The following CEP70 variants were observed in gnomAD, a reference collection of about 807,000 sequenced individuals.
CEP70 encodes centrosomal protein 70, also known as centrosomal protein of 70 kDa.
In CEP70, 70 loss-of-function variants were observed where a neutral mutation model predicts 90.9. The observed-to-expected ratio is 0.77, with a 90% CI of 0.64 to 0.94. The LOEUF is 0.94. Ranked by LOEUF, CEP70 falls within the 40% of genes least tolerant of loss-of-function variation. CEP70 has a pLI of 0.00. For missense variants in CEP70, 648 were observed against 669.0 expected, an observed-to-expected ratio of 0.97 and a Z score of 0.35; for synonymous variants, 220 against 228.3, an observed-to-expected ratio of 0.96 and a Z score of 0.33.
chr3:138,546,783 A>C (rs920298300), intron 6 of CEP70, among the ~76,000 whole-genome samples: 1 of 151,972 alleles, frequency 6.6e-6, no homozygotes, highest in African/African-American at 2.4e-5. Flanking sequence ...AACAAAAAAC[A>C]CTATCACCCT....
intron 2 of CEP70, among the ~76,000 whole-genome samples, chr3:138,587,460 C>T (rs1576960266): frequency 6.6e-6 from 1 of 151,944 alleles, no homozygotes; most frequent in Admixed American, 6.6e-5. Flanking sequence ...TACAGAGCTG[C>T]AAAAGATCTA....
chr3:138,548,023 TA>T (rs2039344756), intron 6 of CEP70, among the ~76,000 whole-genome samples: 1 of 152,356 alleles, frequency 6.6e-6, no homozygotes, highest in East Asian at 1.9e-4. Flanking sequence ...TAATTCATTG[TA>T]TCAGGCCAAC....
At chr3:138,590,282 G>A (rs973054217) in intron 2 of CEP70, among the ~76,000 whole-genome samples, 2 of 152,002 alleles carry the variant, frequency 1.3e-5, no homozygotes, top group Non-Finnish European at 2.9e-5. Context: ...ATGGAAAAAA[G>A]GAGTTACAGT....
intron 8 of CEP70, among the ~76,000 whole-genome samples, chr3:138,532,131 T>A (rs1316268513): frequency 3.9e-5 from 6 of 152,206 alleles, no homozygotes; most frequent in African/African-American, 1.2e-4. Context: ...TTATCTCACA[T>A]AAATCTGCAT....
intron 13 of CEP70, among the ~76,000 whole-genome samples, chr3:138,502,774 G>A (rs1477470513): frequency 6.6e-6 from 1 of 152,076 alleles, no homozygotes; most frequent in Non-Finnish European, 1.5e-5. Context: ...AATATAAGAG[G>A]GTCTCCTAGG....
rs556625048 is a variant in CEP70 at position 138,578,645 on chromosome 3, A to G, written c.-5-5713T>C. 7.9e-5 allele frequency among the ~76,000 whole-genome samples: 12 copies of G among 152,360 alleles called. No homozygotes were observed. The East Asian group carries it at 2.1e-3, about 27-fold the overall frequency. On this transcript the variant is annotated intron_variant, in intron 2 of 17. Transcript: ENST00000264982. Reference sequence around the variant, plus strand: ...ATAGAAGCAGGAAGTCTCAGAAAACAAACTGCCATATTTTCAAACACTACA... The same window carrying G: ...ATAGAAGCAGGAAGTCTCAGAAAACGAACTGCCATATTTTCAAACACTACA...
At chr3:138,522,834 A>T (rs946711210) in intron 11 of CEP70, among the ~76,000 whole-genome samples, 8 of 152,344 alleles carry the variant, frequency 5.3e-5, no homozygotes, top group African/African-American at 1.7e-4. Context: ...AAACTATTCC[A>T]ATCAATAGAA....
At chr3:138,584,603 T>C (rs2042022836) in intron 2 of CEP70, among the ~76,000 whole-genome samples, 1 of 151,976 alleles carries the variant, frequency 6.6e-6, no homozygotes, top group Admixed American at 6.5e-5. Context: ...CATCAACAAG[T>C]GGGATTTATC....
intron 6 of CEP70, among the ~76,000 whole-genome samples, chr3:138,548,817 C>G (rs894885712): frequency 2.0e-5 from 3 of 152,200 alleles, no homozygotes; most frequent in African/African-American, 7.2e-5. Context: ...AGAAAATCCA[C>G]AGACCCTCTG....
intron 6 of CEP70, among the ~76,000 whole-genome samples, chr3:138,551,422 T>C (rs974963155): frequency 4.6e-5 from 7 of 152,116 alleles, no homozygotes; most frequent in African/African-American, 1.7e-4. Flanking sequence ...AAAGCATAAA[T>C]GTCACAGGAC....
chr3:138,517,797 A>G (rs1460260371), intron 11 of CEP70, among the ~76,000 whole-genome samples: 1 of 152,246 alleles, frequency 6.6e-6, no homozygotes, highest in Non-Finnish European at 1.5e-5. Context: ...CAACTGAGGT[A>G]CGAGGTTCAT....
Position 138,497,682 on chromosome 3 carries a change from GAAA to G in CEP70, c.1732+346_1732+348del, listed in dbSNP as rs199502529. ...ATTTTGTAGATAGGTGGTATCTTAA[GAAA>G]AAAAAAGGAGGGAGGAAGGACCTTC... On this transcript the variant is annotated intron_variant, in intron 17 of 17. Coordinates refer to ENST00000264982, the MANE Select transcript of CEP70 (RefSeq NM_024491.4). The G allele has an allele frequency of 4.1e-6, 4 of 970,638 alleles. No individual in the cohort carries two copies. The East Asian group carries it at 4.6e-4, about 111-fold the overall frequency. The allele number at this position is 970,638 out of a possible 1,614,324, so 60.1% of individuals were successfully genotyped here. A position where few individuals can be genotyped will look rare whatever the true frequency, so the allele number is the denominator to read the frequency against.
chr3:138,593,590 A>G lies in CEP70; in HGVS notation c.-109+608T>C, dbSNP rs186316619. ...GGAAACTCTGATTGGTCTCTCTGTT[A>G]CAGGTGACTTAGCCTTCTGGCATTT... On this transcript the variant is annotated intron_variant, in intron 1 of 17. Coordinates refer to ENST00000264982, the MANE Select transcript of CEP70 (RefSeq NM_024491.4). 3.5e-4 allele frequency: 53 copies of G among 152,362 alleles called. 1 individual carries two copies. Among genetic ancestry groups the G allele is most frequent in the African/African-American group, 1.3e-3 (52 of 41,568 alleles). The allele number at this position is 152,362 out of a possible 1,614,324, so 9.4% of individuals were successfully genotyped here. A position where few individuals can be genotyped will look rare whatever the true frequency, so the allele number is the denominator to read the frequency against.
chr3:138,530,559 C>CA, intron 8 of CEP70: 4 of 985,162 alleles, frequency 4.1e-6, no homozygotes, highest in Non-Finnish European at 4.8e-6. Flanking sequence ...AAAAAATGGA[C>CA]AAGCAGAGAA....
At chr3:138,540,864 T>C (rs1008686400) in intron 6 of CEP70, among the ~76,000 whole-genome samples, 2 of 152,146 alleles carry the variant, frequency 1.3e-5, no homozygotes, top group African/African-American at 2.4e-5. Context: ...AATGGTAGAC[T>C]GGATAAAGAA....
rs148474573 is a variant in CEP70 at position 138,556,635 on chromosome 3, G to A, written c.465+13683C>T. Among the ~76,000 whole-genome samples, 845 of 151,994 alleles carry A rather than the reference G, an allele frequency of 5.6e-3. 7 individuals are homozygous for A. Among genetic ancestry groups the A allele is most frequent in the African/African-American group, 0.02 (813 of 41,450 alleles). ...CATCGTCCGGGTTGAGAAATAAAGG[G>A]ACAGAGTACAAAAGAGAGAAATTTT... On this transcript the variant is annotated intron_variant, in intron 6 of 17. Transcript: ENST00000264982.
At chr3:138,522,601 C>A (rs1370720886) in intron 11 of CEP70, among the ~76,000 whole-genome samples, 4 of 152,120 alleles carry the variant, frequency 2.6e-5, no homozygotes, top group Non-Finnish European at 4.4e-5. Context: ...AACACCTCTA[C>A]GCAAATAAAC....
chr3:138,528,486 C>G (rs1043879664), intron 10 of CEP70, among the ~76,000 whole-genome samples: 2 of 152,140 alleles, frequency 1.3e-5, no homozygotes, highest in Non-Finnish European at 2.9e-5. Flanking sequence ...ATATTATGTA[C>G]TCATGATTAG....
At chr3:138,563,910 C>G (rs1654701320) in intron 6 of CEP70, among the ~76,000 whole-genome samples, 1 of 152,064 alleles carries the variant, frequency 6.6e-6, no homozygotes, top group African/African-American at 2.4e-5. Context: ...AATCCAGGAG[C>G]TGGTCTTTTG....
Sources: allele counts gnomAD v4.1 joint callset (sites outside exome capture counted in the v4.1 genomes callset), GRCh38; gene constraint gnomAD v4.1.1; transcripts MANE v1.5; gene names NCBI Gene and HGNC (gene_info 2026-07-23, HGNC 2026-07-21).